B3GAT2: variants seen among roughly 807,000 people sequenced by gnomAD.
B3GAT2 encodes beta-1,3-glucuronyltransferase 2, also known as galactosylgalactosylxylosylprotein 3-beta-glucuronosyltransferase 2.
B3GAT2 carries 26 observed loss-of-function variants against 27.8 expected under a neutral mutation model. The observed-to-expected ratio is 0.93, with a 90% confidence interval of 0.68 to 1.30. B3GAT2 has a LOEUF of 1.30. Among genes scored for constraint, B3GAT2 ranks in the 50% most tolerant of loss-of-function variants. The pLI is 0.00. For synonymous variants in B3GAT2, 218 were observed against 195.1 expected (o/e 1.12, Z -0.98); for missense variants, 458 against 459.0 (o/e 1.00, Z 0.02).
At chr6:70,945,708 G>C (rs1230834077) in intron 1 of B3GAT2, among the ~76,000 whole-genome samples, 3 of 147,194 alleles carry the variant, frequency 2.0e-5, no homozygotes, top group African/African-American at 5.1e-5. Flanking sequence ...TTCAGATTCA[G>C]TAAATACAGA....
intron 2 of B3GAT2, among the ~76,000 whole-genome samples, chr6:70,867,306 C>T (rs762094323): frequency 7.9e-5 from 12 of 151,582 alleles, no homozygotes; most frequent in Admixed American, 1.3e-4. Flanking sequence ...ATGGAGAAAA[C>T]GACTATACTA....
chr6:70,955,948 T>G lies in B3GAT2; in HGVS notation c.482A>C (p.Asn161Thr). 6.4e-7 allele frequency: 1 copy of G among 1,571,496 alleles called. No individual in the cohort carries two copies. The highest frequency in any genetic ancestry group is 8.6e-7 in the Non-Finnish European group (1 of 1,160,974). ...CTGGCGCAGCCAGGCGAGGCCCGCG[T>G]TGCGCTGCTCAGTGGCGCGCGGCAG... ...PGLPRATEQR[N>T]AGLAWLRQRH... Residue 161 changes from asparagine (N) to threonine (T), a missense_variant, in exon 1 of 4, where the codon AAC becomes ACC. By Grantham distance (65) the Asn-to-Thr change is moderately conservative (BLOSUM62 0). Transcript: ENST00000230053.
chr6:70,956,211 T>TGGCTGC lies in B3GAT2; in HGVS notation c.213_218dup (p.Gln74_Pro75dup). 1 of 1,612,390 alleles carries TGGCTGC rather than the reference T, an allele frequency of 6.2e-7. No homozygotes were observed. Among genetic ancestry groups the TGGCTGC allele is most frequent in the South Asian group, 1.1e-5 (1 of 90,950 alleles). On this transcript the variant is annotated inframe_insertion, in exon 1 of 4. Transcript: ENST00000230053. ...TGGTGGGCAGCTGCGGCTCCGGCTG[T>TGGCTGC]GGCTGCGGCCGAGACTGGTTGCGCT...
rs1771670072 is a variant in B3GAT2 at position 70,860,478 on chromosome 6, T to C, written c.*1185A>G. On this transcript the variant is annotated 3_prime_UTR_variant, in exon 4 of 4. Transcript: ENST00000230053. ...AGAATGATCTGATTGACCGTGTTGGTCTGTACTGATTCAATTTGATGTGGT... is the reference window on the plus strand; with the variant it reads ...AGAATGATCTGATTGACCGTGTTGGCCTGTACTGATTCAATTTGATGTGGT... 1.1e-6 allele frequency: 1 copy of C among 925,292 alleles called. No individual in the cohort carries two copies. The highest frequency in any genetic ancestry group is 2.5e-5 in the South Asian group (1 of 40,378). The allele number at this position is 925,292 out of a possible 1,614,324, so 57.3% of individuals were successfully genotyped here.
Position 70,858,122 on chromosome 6 carries a change from C to T in B3GAT2, c.*3541G>A. Reference sequence around the variant, plus strand: ...TGCACAAACTGGTGTGATGCCACTTCCTCAGAACGTTGTTGGCCCCCAAGG... The same window carrying T: ...TGCACAAACTGGTGTGATGCCACTTTCTCAGAACGTTGTTGGCCCCCAAGG... On this transcript the variant is annotated 3_prime_UTR_variant, in exon 4 of 4. Transcript: ENST00000230053. 1.9e-6 allele frequency: 3 copies of T among 1,613,932 alleles called. No homozygotes were observed. The highest frequency in any genetic ancestry group is 1.7e-6 in the Non-Finnish European group (2 of 1,179,970).
chr6:70,886,992 G>C (rs545931), intron 2 of B3GAT2, among the ~76,000 whole-genome samples: 49,957 of 151,870 alleles, frequency 0.33, 12,881 homozygotes, highest in African/African-American at 0.7. Flanking sequence ...CCTAGATCCT[G>C]CACTAAAAGG....
intron 1 of B3GAT2, among the ~76,000 whole-genome samples, chr6:70,930,309 A>C (rs890323284): frequency 6.6e-6 from 1 of 152,210 alleles, no homozygotes; most frequent in African/African-American, 2.4e-5. Flanking sequence ...AAAACACCAA[A>C]AGCAATGGCA....
intron 1 of B3GAT2, among the ~76,000 whole-genome samples, chr6:70,897,669 AAATAT>A (rs143165584): frequency 0.26 from 27,652 of 105,214 alleles, 2,930 homozygotes; most frequent in Non-Finnish European, 0.29. Flanking sequence ...AAAAAAAAAA[AAATAT>A]ATATATATAT....
intron 2 of B3GAT2, among the ~76,000 whole-genome samples, chr6:70,890,796 G>T (rs1291890714): frequency 6.6e-6 from 1 of 152,204 alleles, no homozygotes; most frequent in African/African-American, 2.4e-5. Flanking sequence ...TGTGTTTTTA[G>T]CAGAATAAAG....
chr6:70,881,721 C>T (rs1582349126), intron 2 of B3GAT2, among the ~76,000 whole-genome samples: 1 of 152,238 alleles, frequency 6.6e-6, no homozygotes, highest in South Asian at 2.1e-4. Flanking sequence ...TGTGTAGGGG[C>T]TTGATGGCAT....
chr6:70,856,748 T>C lies in B3GAT2; in HGVS notation c.*4915A>G, dbSNP rs1771441000. The C allele has an allele frequency of 7.0e-6, 8 of 1,140,412 alleles. No homozygotes were observed. The South Asian group carries it at 1.3e-4, about 19-fold the overall frequency. The allele number at this position is 1,140,412 out of a possible 1,614,324, so 70.6% of individuals were successfully genotyped here. A position where few individuals can be genotyped will look rare whatever the true frequency, so the allele number is the denominator to read the frequency against. ...TCTTGAATGGCACCATTTTACCTTCTACAATTGTTTGATTCCTATCTAATT... is the reference window on the plus strand; with the variant it reads ...TCTTGAATGGCACCATTTTACCTTCCACAATTGTTTGATTCCTATCTAATT... On this transcript the variant is annotated 3_prime_UTR_variant, in exon 4 of 4. Transcript: ENST00000230053.
At chr6:70,878,995 A>G (rs936521126) in intron 2 of B3GAT2, among the ~76,000 whole-genome samples, 3 of 152,132 alleles carry the variant, frequency 2.0e-5, no homozygotes, top group African/African-American at 7.2e-5. Context: ...CTTCATTTTC[A>G]CTTTGCTTCT....
At chr6:70,901,469 C>A (rs184605393) in intron 1 of B3GAT2, among the ~76,000 whole-genome samples, 1 of 152,146 alleles carries the variant, frequency 6.6e-6, no homozygotes, top group African/African-American at 2.4e-5. Context: ...GACAAAAAAC[C>A]GAACAAACCC....
At chr6:70,931,477 A>G (rs1044421908) in intron 1 of B3GAT2, among the ~76,000 whole-genome samples, 11 of 152,160 alleles carry the variant, frequency 7.2e-5, no homozygotes, top group African/African-American at 2.4e-4. Flanking sequence ...ATCTTGATAA[A>G]CCAGCTATAT....
At chr6:70,927,951 G>A (rs1219246984) in intron 1 of B3GAT2, among the ~76,000 whole-genome samples, 8 of 152,144 alleles carry the variant, frequency 5.3e-5, no homozygotes, top group African/African-American at 1.4e-4. Flanking sequence ...GCACTCCTCA[G>A]CAAATGTAAA....
At chr6:70,904,341 T>C (rs1012468545) in intron 1 of B3GAT2, among the ~76,000 whole-genome samples, 1 of 152,208 alleles carries the variant, frequency 6.6e-6, no homozygotes, top group African/African-American at 2.4e-5. Context: ...TTAGGTAAAC[T>C]ATACCTCAAG....
At chr6:70,875,564 T>C (rs911794088) in intron 2 of B3GAT2, among the ~76,000 whole-genome samples, 8 of 152,234 alleles carry the variant, frequency 5.3e-5, no homozygotes, top group African/African-American at 1.7e-4. Context: ...CTTCCAAATC[T>C]ACCCTTTCCT....
At position 70,921,662 on chromosome 6, in the gene B3GAT2, C is replaced by T. The variant is rs368802061; in HGVS notation, c.592-27390G>A. ...GTGGGGTTGTCTGGAGGTAAGAAGG[C>T]ACTCTAGTTTTTTGAATTGCCAGAG... On this transcript the variant is annotated intron_variant, in intron 1 of 3. Transcript: ENST00000230053. 1.6e-4 allele frequency among the ~76,000 whole-genome samples: 25 copies of T among 152,292 alleles called. 1 individual carries two copies. Among genetic ancestry groups the T allele is most frequent in the African/African-American group, 6.0e-4 (25 of 41,570 alleles).
intron 2 of B3GAT2, among the ~76,000 whole-genome samples, chr6:70,868,388 A>G (rs1483491032): frequency 6.6e-6 from 1 of 152,188 alleles, no homozygotes; most frequent in Non-Finnish European, 1.5e-5. Context: ...TTCTTCCTTC[A>G]GCCACAGTTA....
Sources: gnomAD v4.1 joint callset for allele counts (sites outside exome capture counted in the v4.1 genomes callset) on GRCh38, gnomAD v4.1.1 for gene constraint, MANE v1.5 for transcripts, NCBI Gene and HGNC (gene_info 2026-07-23, HGNC 2026-07-21) for gene names.